Variants in SLIT2 observed in about 807,000 individuals in gnomAD.
SLIT2 encodes the protein slit guidance ligand 2, also known as slit homolog 2 protein.
SLIT2 carries 41 observed loss-of-function variants against 185.7 expected under a neutral mutation model. The observed-to-expected ratio is 0.22, with a 90% CI of 0.17 to 0.29. SLIT2 has a LOEUF of 0.29. SLIT2 is among the 10% of genes least tolerant of loss of function. The pLI, the probability that SLIT2 is intolerant of heterozygous loss-of-function variation, is 1.00. For missense variants in SLIT2, 1,571 were observed against 1,909.0 expected (o/e 0.82, Z 3.30); for synonymous variants, 693 against 680.2 (o/e 1.02, Z -0.29).
At chr4:20,523,019 G>C (rs1452452149) in intron 12 of SLIT2, among the ~76,000 whole-genome samples, 1 of 152,138 alleles carries the variant, frequency 6.6e-6, no homozygotes, top group Non-Finnish European at 1.5e-5. Context: ...GAGTGCTAGG[G>C]GTTGGGAAGG....
chr4:20,538,271 C>T (rs1722483430), intron 18 of SLIT2, among the ~76,000 whole-genome samples: 1 of 152,044 alleles, frequency 6.6e-6, no homozygotes, highest in Non-Finnish European at 1.5e-5. Context: ...TCAAACTTGT[C>T]TTCAACTTCC....
chr4:20,428,839 G>A (rs529174155), intron 4 of SLIT2, among the ~76,000 whole-genome samples: 2 of 152,300 alleles, frequency 1.3e-5, no homozygotes, highest in Admixed American at 6.5e-5. Flanking sequence ...TTGCTGACAC[G>A]TTAAAGTGGC....
chr4:20,560,022 T>C (rs1724571978), intron 26 of SLIT2, among the ~76,000 whole-genome samples: 1 of 151,954 alleles, frequency 6.6e-6, no homozygotes, highest in African/African-American at 2.4e-5. Flanking sequence ...CTGAGTACTA[T>C]ACTATTAAGC....
chr4:20,286,475 C>T (rs1395426165), intron 4 of SLIT2, among the ~76,000 whole-genome samples: 4 of 152,118 alleles, frequency 2.6e-5, no homozygotes, highest in African/African-American at 9.7e-5. Context: ...TCTATACAGT[C>T]CTCTGCCTAA....
At chr4:20,573,076 C>T (rs1162633526) in intron 29 of SLIT2, among the ~76,000 whole-genome samples, 2 of 152,108 alleles carry the variant, frequency 1.3e-5, no homozygotes, top group East Asian at 1.9e-4. Flanking sequence ...CATGTTTGTG[C>T]GTGTGGCCCG....
chr4:20,403,150 A>G (rs1726489619), intron 4 of SLIT2, among the ~76,000 whole-genome samples: 1 of 151,966 alleles, frequency 6.6e-6, no homozygotes, highest in African/African-American at 2.4e-5. Flanking sequence ...ATATTAATTT[A>G]AAATATTGCT....
rs143499315 is a variant in SLIT2 at position 20,550,363 on chromosome 4, C to T, written c.2490-464C>T. 1.7e-4 allele frequency among the ~76,000 whole-genome samples: 24 copies of T among 139,048 alleles called. No homozygotes were observed. The East Asian group carries it at 4.5e-3, about 26-fold the overall frequency. The allele number at this position is 139,048 out of a possible 152,430, so 91.2% of individuals were successfully genotyped here. The stretch of plus-strand genomic sequence containing the variant: ...TATGCATATACTACTTTACTCTATG[C>T]TTGCAGGGGTTTTTTTTAAATGAAA... On this transcript the variant is annotated intron_variant, in intron 24 of 36. Transcript: ENST00000504154.
chr4:20,334,826 A>C (rs577108258), intron 4 of SLIT2, among the ~76,000 whole-genome samples: 28 of 152,286 alleles, frequency 1.8e-4, no homozygotes, highest in African/African-American at 6.3e-4. Flanking sequence ...CAGTTTCCTC[A>C]TGTGTAAAAT....
intron 4 of SLIT2, among the ~76,000 whole-genome samples, chr4:20,323,509 A>G (rs1423812164): frequency 5.9e-5 from 9 of 152,192 alleles, no homozygotes; most frequent in Admixed American, 5.9e-4. Flanking sequence ...GCAAATACAC[A>G]TGGATATCAG....
intron 4 of SLIT2, among the ~76,000 whole-genome samples, chr4:20,432,007 GTGTGTGTGCT>G (rs1729029240): frequency 6.6e-6 from 1 of 151,250 alleles, no homozygotes; most frequent in Non-Finnish European, 1.5e-5. Flanking sequence ...CTCTCTGTGT[GTGTGTGTGCT>G]TGTGTGTGTG....
At position 20,252,247 on chromosome 4, in the gene SLIT2, G is replaced by A. The variant is rs972937804; in HGVS notation, c.-1569G>A. Among the ~76,000 whole-genome samples the A allele has an allele frequency of 6.6e-6, 1 of 152,138 alleles. No individual in the cohort carries two copies. Among genetic ancestry groups the A allele is most frequent in the Non-Finnish European group, 1.5e-5 (1 of 68,016 alleles). On this transcript the variant is annotated 5_prime_UTR_variant, in exon 1 of 37. Coordinates refer to ENST00000504154, the MANE Select transcript of SLIT2 (RefSeq NM_004787.4). The stretch of plus-strand genomic sequence containing the variant: ...CAACCCACCTTCCTTCCAGACAAGC[G>A]AGACTTGGGCTGCTGCGTCCGTCCT...
At chr4:20,424,690 T>C (rs1289536737) in intron 4 of SLIT2, among the ~76,000 whole-genome samples, 1 of 152,154 alleles carries the variant, frequency 6.6e-6, no homozygotes, top group Non-Finnish European at 1.5e-5. Context: ...GCACATCTGC[T>C]TTTGGGCATT....
intron 4 of SLIT2, among the ~76,000 whole-genome samples, chr4:20,432,638 A>G (rs557848783): frequency 6.6e-6 from 1 of 152,226 alleles, no homozygotes; most frequent in East Asian, 1.9e-4. Flanking sequence ...CCAAGTGCAT[A>G]AATGCTGCCT....
intron 4 of SLIT2, among the ~76,000 whole-genome samples, chr4:20,278,461 C>G (rs1184086797): frequency 1.3e-5 from 2 of 152,086 alleles, no homozygotes; most frequent in Non-Finnish European, 2.9e-5. Context: ...TTCAACCTTT[C>G]TGCAAACTTT....
rs577478666 is a variant in SLIT2, at chr4:20,361,899, G to T, written c.395+93018G>T. Among the ~76,000 whole-genome samples the T allele has an allele frequency of 1.1e-3, 160 of 152,036 alleles. 1 individual carries two copies. The highest frequency in any genetic ancestry group is 3.4e-3 in the Middle Eastern group (1 of 294). ...CAGCCCAATGAGTTTCTGTAAATAT[G>T]TCCTAAATTTTTTTTAACAATCATA... is the stretch of plus-strand genomic sequence containing the variant. On this transcript the variant is annotated intron_variant, in intron 4 of 36. Transcript: ENST00000504154.
chr4:20,457,202 T>G (rs1328820957), intron 4 of SLIT2, among the ~76,000 whole-genome samples: 2 of 152,056 alleles, frequency 1.3e-5, no homozygotes, highest in East Asian at 3.9e-4. Context: ...GATACAATGA[T>G]GAATTTTGCA....
chr4:20,550,785 C>A, intron 24 of SLIT2, 42 bp from the exon 25 acceptor site: 1 of 1,274,412 alleles, frequency 7.8e-7, no homozygotes, highest in Non-Finnish European at 1.1e-6. Context: ...TCTATGAGTT[C>A]AGAAATATAG....
intron 4 of SLIT2, among the ~76,000 whole-genome samples, chr4:20,385,877 T>A (rs1560376309): frequency 6.6e-6 from 1 of 152,190 alleles, no homozygotes; most frequent in African/African-American, 2.4e-5. Context: ...TCTGCAAATT[T>A]TGCTTATTAC....
chr4:20,359,645 G>C (rs1390397801), intron 4 of SLIT2, among the ~76,000 whole-genome samples: 1 of 151,902 alleles, frequency 6.6e-6, no homozygotes, highest in Non-Finnish European at 1.5e-5. Flanking sequence ...TAGAGAAGAG[G>C]TGCTCAGAAA....
Sources: allele counts gnomAD v4.1 joint callset (sites outside exome capture counted in the v4.1 genomes callset), GRCh38; gene constraint gnomAD v4.1.1; transcripts MANE v1.5; gene names NCBI Gene and HGNC (gene_info 2026-07-23, HGNC 2026-07-21).